KCNH1: variants seen among roughly 807,000 people sequenced by gnomAD.
KCNH1 encodes the protein voltage-gated delayed rectifier potassium channel KCNH1.
A neutral mutation model predicts 69.2 loss-of-function variants in KCNH1; 27 were observed. The observed-to-expected ratio is 0.39, with a 90% CI of 0.29 to 0.54. The LOEUF (loss-of-function observed/expected upper bound fraction) is 0.54. KCNH1 is among the 20% of genes least tolerant of loss of function. The pLI is 0.68. For synonymous variants in KCNH1, 456 were observed against 487.7 expected, an observed-to-expected ratio of 0.93 and a Z score of 0.86; for missense variants, 798 against 1,261.6, an observed-to-expected ratio of 0.63 and a Z score of 5.57.
Position 210,683,776 on chromosome 1 carries a change from C to A in KCNH1, c.2475G>T (p.Lys825Asn). The change falls in exon 11 of 11, where the codon AAG becomes AAT. Residue 825 changes from lysine to asparagine, a missense_variant. Lys to Asn is a moderately conservative substitution (Grantham distance 94). Coordinates refer to ENST00000271751, the MANE Select transcript of KCNH1 (RefSeq NM_172362.3). This position sits in a 1 kb window ranked among gnomAD's most constrained non-coding sequence, Gnocchi z 5.7. ...GCTTGGCACAATCGCCCCCGCCCCCCTTGGGGCCCAGGCACTCGGACCCTG... is the reference window on the plus strand; with the variant it reads ...GCTTGGCACAATCGCCCCCGCCCCCATTGGGGCCCAGGCACTCGGACCCTG... Reference protein sequence around the residue: ...QAPGSECLGPKGGGGDCAKRK... With the variant: ...QAPGSECLGPNGGGGDCAKRK... 6.2e-7 allele frequency: 1 copy of A among 1,613,892 alleles called. No individual in the cohort carries two copies. The highest frequency in any genetic ancestry group is 8.5e-7 in the Non-Finnish European group (1 of 1,180,044).
intron 7 of KCNH1, chr1:210,858,962 C>T: frequency 2.6e-6 from 1 of 392,144 alleles, no homozygotes; most frequent in Non-Finnish European, 4.7e-6. Flanking sequence ...TACCTCCAAT[C>T]CCCCCCACCC....
intron 5 of KCNH1, among the ~76,000 whole-genome samples, chr1:211,043,159 C>T (rs1690030178): frequency 6.6e-6 from 1 of 151,978 alleles, no homozygotes; most frequent in African/African-American, 2.4e-5. Flanking sequence ...ATAAATGAAA[C>T]AAAAAGCTGT....
intron 10 of KCNH1, among the ~76,000 whole-genome samples, chr1:210,685,723 G>A (rs1306917991): frequency 8.8e-5 from 6 of 68,156 alleles, no homozygotes; most frequent in Non-Finnish European, 2.8e-4. Flanking sequence ...ACAGCCCCCA[G>A]ATGAAGATGA....
At chr1:210,734,412 G>C (rs1472000699) in intron 10 of KCNH1, among the ~76,000 whole-genome samples, 2 of 152,116 alleles carry the variant, frequency 1.3e-5, no homozygotes, top group African/African-American at 4.8e-5. Flanking sequence ...AAGGTACAGG[G>C]AGCAAGAGAG....
intron 6 of KCNH1, among the ~76,000 whole-genome samples, chr1:210,986,652 A>T (rs1688841517): frequency 6.6e-6 from 1 of 152,194 alleles, no homozygotes; most frequent in African/African-American, 2.4e-5. Flanking sequence ...CTGAGAGATC[A>T]GCTGTTAGTC....
chr1:210,856,841 A>T (rs1257971037), intron 7 of KCNH1, among the ~76,000 whole-genome samples: 2 of 130,044 alleles, frequency 1.5e-5, no homozygotes, highest in African/African-American at 2.9e-5. Context: ...AATATATATA[A>T]AATATATATG....
chr1:211,013,702 A>G (rs1689441914), intron 6 of KCNH1, among the ~76,000 whole-genome samples: 1 of 152,206 alleles, frequency 6.6e-6, no homozygotes, highest in African/African-American at 2.4e-5. Flanking sequence ...CCTGCTCTCA[A>G]GCCACAGAAG....
chr1:210,812,975 C>A (rs972745822), intron 7 of KCNH1, among the ~76,000 whole-genome samples: 1 of 152,204 alleles, frequency 6.6e-6, no homozygotes, highest in African/African-American at 2.4e-5. Flanking sequence ...AACTTTACTT[C>A]TTTTCCCTCT....
At chr1:211,068,688 C>T (rs1198532253) in intron 5 of KCNH1, among the ~76,000 whole-genome samples, 1 of 152,212 alleles carries the variant, frequency 6.6e-6, no homozygotes, top group Non-Finnish European at 1.5e-5. Context: ...GCCACTGCGC[C>T]TGGCAACAAC....
At chr1:210,970,263 C>T (rs868815330) in intron 6 of KCNH1, among the ~76,000 whole-genome samples, 1 of 151,058 alleles carries the variant, frequency 6.6e-6, no homozygotes, top group African/African-American at 2.5e-5. Flanking sequence ...TCTCCCTCCC[C>T]TTGTCCCCCA....
intron 1 of KCNH1, among the ~76,000 whole-genome samples, chr1:211,112,551 T>C (rs895010491): frequency 6.6e-6 from 1 of 151,130 alleles, no homozygotes; most frequent in Admixed American, 6.6e-5. Context: ...TCTCTGACTT[T>C]AGTAAGGGAA....
chr1:210,836,236 A>C (rs1449470047), intron 7 of KCNH1, among the ~76,000 whole-genome samples: 1 of 152,104 alleles, frequency 6.6e-6, no homozygotes, highest in Non-Finnish European at 1.5e-5. Flanking sequence ...TGAGGAAGAG[A>C]GCAGGGTTTC....
At chr1:210,898,759 C>T (rs1475522719) in intron 7 of KCNH1, among the ~76,000 whole-genome samples, 6 of 151,964 alleles carry the variant, frequency 3.9e-5, no homozygotes, top group East Asian at 1.9e-4. Context: ...CAGGTCTAAG[C>T]GACTCCAAAA....
chr1:210,830,862 T>G (rs1019206639), intron 7 of KCNH1, among the ~76,000 whole-genome samples: 2 of 152,164 alleles, frequency 1.3e-5, no homozygotes, highest in African/African-American at 4.8e-5. Context: ...TTAAAAACTC[T>G]AAAAGACCAA....
At chr1:210,712,254 CAAATA>C (rs1238228725) in intron 10 of KCNH1, among the ~76,000 whole-genome samples, 1 of 152,174 alleles carries the variant, frequency 6.6e-6, no homozygotes, top group East Asian at 1.9e-4. Flanking sequence ...TAAAACAACT[CAAATA>C]AAAATAATAC....
intron 5 of KCNH1, among the ~76,000 whole-genome samples, chr1:211,076,548 A>G (rs1690737943): frequency 6.6e-6 from 1 of 152,226 alleles, no homozygotes; most frequent in African/African-American, 2.4e-5. Flanking sequence ...AACAAACAGA[A>G]AGGAATAGCA....
chr1:211,099,777 T>C (rs1226009693), intron 3 of KCNH1, among the ~76,000 whole-genome samples: 1 of 152,214 alleles, frequency 6.6e-6, no homozygotes, highest in South Asian at 2.1e-4. Flanking sequence ...AGTTCCTGAC[T>C]GGAACGCAGG....
At chr1:211,076,712 A>G (rs1690740335) in intron 5 of KCNH1, among the ~76,000 whole-genome samples, 1 of 152,258 alleles carries the variant, frequency 6.6e-6, no homozygotes, top group African/African-American at 2.4e-5. Flanking sequence ...CCTCCAAAGG[A>G]TCGCAGCTCC....
intron 1 of KCNH1, among the ~76,000 whole-genome samples, chr1:211,116,399 G>A (rs974099667): frequency 6.6e-6 from 1 of 152,146 alleles, no homozygotes; most frequent in African/African-American, 2.4e-5. Context: ...TGCCCTCACA[G>A]TCCTAGTAGT....
Sources: gnomAD v4.1 joint callset for allele counts (sites outside exome capture counted in the v4.1 genomes callset) on GRCh38, gnomAD v4.1.1 for gene constraint, Gnocchi (gnomAD v3.1) non-coding constraint, MANE v1.5 for transcripts, NCBI Gene and HGNC (gene_info 2026-07-23, HGNC 2026-07-21) for gene names.